KIAA0232: variants seen among roughly 807,000 people sequenced by gnomAD.
KIAA0232 encodes the protein uncharacterized protein KIAA0232.
KIAA0232 carries 27 observed loss-of-function variants against 122.0 expected under a neutral mutation model. That is an observed-to-expected ratio of 0.22 (90% CI 0.16 to 0.31). The LOEUF is 0.31. Among genes scored for constraint, KIAA0232 ranks in the 10% least tolerant of loss-of-function variants. KIAA0232 has a pLI of 1.00. For missense variants in KIAA0232, 1,551 were observed against 1,634.2 expected (o/e 0.95, Z 0.88); for synonymous variants, 613 against 587.6 (o/e 1.04, Z -0.63).
chr4:6,842,760 G>A (rs2108741567), intron 4 of KIAA0232, among the ~76,000 whole-genome samples: 1 of 151,702 alleles, frequency 6.6e-6, no homozygotes, highest in South Asian at 2.1e-4. Flanking sequence ...TAATTTTTTT[G>A]CATTTTTTAG....
Position 6,824,637 on chromosome 4 carries a change from C to T in KIAA0232, c.184C>T (p.Leu62Phe). The T allele has an allele frequency of 1.2e-6, 2 of 1,614,200 alleles. No individual in the cohort carries two copies. The highest frequency in any genetic ancestry group is 1.1e-5 in the South Asian group (1 of 91,082). Residue 62 changes from leucine (L) to phenylalanine (F), a missense_variant, in exon 3 of 10, where the codon CTC becomes TTC. By Grantham distance (22) the Leu-to-Phe change is conservative. This residue lies in a region of KIAA0232 where 26 missense variants were observed against 52.2 expected (regional missense o/e 0.50). Coordinates refer to ENST00000307659, the MANE Select transcript of KIAA0232 (RefSeq NM_014743.3). ...TGCCATGATTTACACTCGGTATGTCCTCAGTCTTCTGCTGCATGACAGCTA... is the reference window on the plus strand; with the variant it reads ...TGCCATGATTTACACTCGGTATGTCTTCAGTCTTCTGCTGCATGACAGCTA... The part of the protein sequence containing the change: ...IDAMIYTRYV[L>F]SLLLHDSYDY...
At chr4:6,785,501 C>T (rs1176476070) in intron 1 of KIAA0232, among the ~76,000 whole-genome samples, 1 of 152,200 alleles carries the variant, frequency 6.6e-6, no homozygotes, top group Non-Finnish European at 1.5e-5. Flanking sequence ...TTGGGATGAT[C>T]ACTTGAGGGA....
intron 2 of KIAA0232, among the ~76,000 whole-genome samples, chr4:6,821,020 A>C (rs1362261296): frequency 6.6e-6 from 1 of 152,164 alleles, no homozygotes; most frequent in Non-Finnish European, 1.5e-5. Flanking sequence ...TGTGACATGA[A>C]GTTGGAGCCC....
intron 6 of KIAA0232, 24 bp downstream of exon 6, chr4:6,858,530 T>G: frequency 1.4e-6 from 2 of 1,474,652 alleles, no homozygotes; most frequent in Non-Finnish European, 1.9e-6. Context: ...TATTCGGTAA[T>G]AAAGTGTGCA....
intron 3 of KIAA0232, among the ~76,000 whole-genome samples, chr4:6,836,662 G>T (rs1262713363): frequency 6.6e-6 from 1 of 151,194 alleles, no homozygotes; most frequent in African/African-American, 2.4e-5. Flanking sequence ...TGTGAACAAA[G>T]GTCTCTGGTT....
chr4:6,815,666 TTG>T (rs1718087063), intron 2 of KIAA0232, among the ~76,000 whole-genome samples: 1 of 152,232 alleles, frequency 6.6e-6, no homozygotes, highest in Non-Finnish European at 1.5e-5. Context: ...CTGAAGCTAC[TTG>T]TCAGCCTTTA....
intron 4 of KIAA0232, among the ~76,000 whole-genome samples, chr4:6,853,332 A>G (rs981179874): frequency 1.3e-5 from 2 of 152,236 alleles, no homozygotes; most frequent in African/African-American, 4.8e-5. Context: ...GAACAAAAAG[A>G]TGAAGAAATG....
chr4:6,855,609 T>A lies in KIAA0232; in HGVS notation c.370-1555T>A, dbSNP rs1305522048. 6.6e-6 allele frequency among the ~76,000 whole-genome samples: 1 copy of A among 152,128 alleles called. No homozygotes were observed. The highest frequency in any genetic ancestry group is 1.5e-5 in the Non-Finnish European group (1 of 68,040). ...TCATATATTAATAAATATATGTGTG[T>A]ATATGTAATTAATTTCTAAGACAAA... On this transcript the variant is annotated intron_variant, in intron 4 of 9. Coordinates refer to ENST00000307659, the MANE Select transcript of KIAA0232 (RefSeq NM_014743.3). This position sits in a 1 kb window ranked among gnomAD's most constrained non-coding sequence, Gnocchi z 4.3.
chr4:6,875,120 TC>T (rs1721682934), intron 8 of KIAA0232, among the ~76,000 whole-genome samples: 1 of 152,166 alleles, frequency 6.6e-6, no homozygotes, highest in South Asian at 2.1e-4. Flanking sequence ...CCAGGGTTCC[TC>T]CCAGCCTCAG....
At chr4:6,860,341 C>G (rs1334954829) in intron 6 of KIAA0232, among the ~76,000 whole-genome samples, 1 of 152,148 alleles carries the variant, frequency 6.6e-6, no homozygotes, top group Non-Finnish European at 1.5e-5. Flanking sequence ...GTAAAGCAGG[C>G]AGAGCCAGGA....
intron 9 of KIAA0232, 95 bp downstream of exon 9, chr4:6,876,852 A>C (rs1577422664): frequency 1.2e-6 from 1 of 808,888 alleles, no homozygotes; most frequent in African/African-American, 1.7e-5. Flanking sequence ...ATGTGAGTGG[A>C]CCCCACCTCT....
chr4:6,871,712 C>T (rs1168072279), intron 8 of KIAA0232, 30 bp downstream of exon 8: 4 of 1,261,116 alleles, frequency 3.2e-6, no homozygotes, highest in African/African-American at 3.0e-5. Flanking sequence ...TTCATTTATT[C>T]ATTGCAATTT....
chr4:6,861,591 C>T lies in KIAA0232; in HGVS notation c.1209C>T (p.Tyr403=). 1 of 1,613,922 alleles carries T rather than the reference C, an allele frequency of 6.2e-7. No individual in the cohort carries two copies. The highest frequency in any genetic ancestry group is 1.1e-5 in the South Asian group (1 of 91,076). Residue 403 remains tyrosine, a synonymous_variant, in exon 7 of 10, where the codon TAC becomes TAT. Transcript: ENST00000307659. ...AGTATAAAGAGGAGCCCTTGTGGTA[C>T]ACCGAGCCAATTGCTGAATATTTTG... The part of the protein sequence containing the change: ...DTEYKEEPLW[Y]TEPIAEYFVP...
chr4:6,830,355 C>T (rs1413410588), intron 3 of KIAA0232, among the ~76,000 whole-genome samples: 1 of 151,122 alleles, frequency 6.6e-6, no homozygotes, highest in South Asian at 2.1e-4. Context: ...TGATCCAGGG[C>T]CTACAGTAAA....
chr4:6,813,372 G>GT (rs971644151), intron 2 of KIAA0232, among the ~76,000 whole-genome samples: 12 of 132,166 alleles, frequency 9.1e-5, no homozygotes, highest in South Asian at 2.4e-4. Context: ...TTTGTTTTTT[G>GT]TTTTTTTTGA....
intron 1 of KIAA0232, among the ~76,000 whole-genome samples, chr4:6,800,930 G>A (rs183714467): frequency 9.3e-4 from 142 of 152,310 alleles, no homozygotes; most frequent in Non-Finnish European, 1.8e-3. Context: ...GTTCAGCAGT[G>A]CTTTTCCAAC....
chr4:6,790,335 A>AT (rs1716834392), intron 1 of KIAA0232, among the ~76,000 whole-genome samples: 1 of 128,334 alleles, frequency 7.8e-6, no homozygotes, highest in Admixed American at 7.6e-5. Context: ...CAGTTTGGAG[A>AT]TTTTTTTCAA....
chr4:6,858,639 C>T (rs7670487), intron 6 of KIAA0232, 133 bp downstream of exon 6: 10 of 590,998 alleles, frequency 1.7e-5, no homozygotes, highest in Admixed American at 7.3e-5. Context: ...ATTTATCGAG[C>T]GCTTATATGC....
intron 1 of KIAA0232, among the ~76,000 whole-genome samples, chr4:6,797,126 A>C (rs1483774696): frequency 6.6e-6 from 1 of 152,252 alleles, no homozygotes; most frequent in Non-Finnish European, 1.5e-5. Context: ...TTTCCCAAAA[A>C]ACACACTTGC....
Sources: gnomAD v4.1 joint callset for allele counts (sites outside exome capture counted in the v4.1 genomes callset) on GRCh38, gnomAD v4.1.1 for gene constraint, gnomAD v4.1.1 regional missense constraint, Gnocchi (gnomAD v3.1) non-coding constraint, MANE v1.5 for transcripts, NCBI Gene and HGNC (gene_info 2026-07-23, HGNC 2026-07-21) for gene names.